Variants in ZNF48 observed in about 807,000 individuals in gnomAD.
ZNF48 encodes the protein zinc finger protein 553.
In ZNF48, 20 loss-of-function variants were observed where a neutral mutation model predicts 40.0. The ratio of observed to expected loss-of-function variants is 0.50; its 90% CI spans 0.35 to 0.73. ZNF48 has a LOEUF of 0.73. ZNF48 is among the 30% of genes least tolerant of loss of function. The pLI is 0.01. For missense variants in ZNF48, 726 were observed against 851.9 expected, an observed-to-expected ratio of 0.85 and a Z score of 1.84; for synonymous variants, 298 against 329.7, an observed-to-expected ratio of 0.90 and a Z score of 1.04.
At position 30,398,841 on chromosome 16, in the gene ZNF48, C is replaced by T. The variant is rs757163512; in HGVS notation, c.1591C>T (p.Arg531Ter). 14 of 1,613,874 alleles carry T rather than the reference C, an allele frequency of 8.7e-6. No individual in the cohort carries two copies. The highest frequency in any genetic ancestry group is 1.1e-5 in the Non-Finnish European group (13 of 1,179,996). The change falls in exon 3 of 3, where the codon CGA becomes TGA. Residue 531 changes from arginine (R) to a stop codon, truncating the protein, a stop_gained. Transcript: ENST00000613509. LOFTEE classifies it high-confidence loss of function. This position sits in a 1 kb window ranked among gnomAD's most constrained non-coding sequence, Gnocchi z 6.6. ...PGPVPMAPRP[R>*]VRAQPSGPSQ... ...CCCAGTACCCATGGCCCCTCGACCC[C>T]GAGTTCGGGCCCAGCCTTCTGGACC...
upstream of ZNF48, among the ~76,000 whole-genome samples, chr16:30,391,829 CTTTT>C (rs1433544623): frequency 1.3e-5 from 1 of 79,484 alleles, no homozygotes; most frequent in Non-Finnish European, 2.4e-5. Context: ...TTTCTTTCTC[CTTTT>C]TTTTTGGCGG....
At chr16:30,390,938 A>ACC (rs1567430825), upstream of ZNF48, among the ~76,000 whole-genome samples, 35 of 149,210 alleles carry the variant, frequency 2.3e-4, 1 homozygote, top group East Asian at 2.6e-3. Context: ...ACAGGGTTTC[A>ACC]ATGTGTTAGC....
chr16:30,390,728 A>C (rs772708781), upstream of ZNF48, among the ~76,000 whole-genome samples: 12 of 136,894 alleles, frequency 8.8e-5, no homozygotes, highest in South Asian at 4.6e-4. Context: ...TCATGCCATT[A>C]TCCTGCCTCA....
At position 30,381,942 on chromosome 16, in the gene ZNF48, T is replaced by C. The variant is rs1218347186; in HGVS notation, c.-16+3532T>C. The C allele has an allele frequency of 1.2e-6, 2 of 1,609,596 alleles. No homozygotes were observed. The highest frequency in any genetic ancestry group is 1.7e-6 in the Non-Finnish European group (2 of 1,177,850). ...AGGCTCTGAGGCAGAATTAATTTCCTTTGTCAATATCACAGTTGCCTGCAC... is the reference window on the plus strand; with the variant it reads ...AGGCTCTGAGGCAGAATTAATTTCCCTTGTCAATATCACAGTTGCCTGCAC... On this transcript the variant is annotated intron_variant, in intron 1 of 2. Coordinates refer to the ZNF48 transcript ENST00000528032. The surrounding 1 kb of genome is among the most constrained non-coding windows in gnomAD (Gnocchi z 4.3).
Position 30,381,105 on chromosome 16 carries a change from G to T in ZNF48, c.-16+2695G>T. On this transcript the variant is annotated intron_variant, in intron 1 of 2. Transcript: ENST00000528032. This position sits in a 1 kb window ranked among gnomAD's most constrained non-coding sequence, Gnocchi z 4.3. ...AGGTTTGGCTTCACATGGGGTCAAA[G>T]GTCAGAGGTCATCACTCACACCTTC... is the stretch of plus-strand genomic sequence containing the variant. The T allele has an allele frequency of 6.3e-7, 1 of 1,580,688 alleles. No individual in the cohort carries two copies. Among genetic ancestry groups the T allele is most frequent in the Non-Finnish European group, 8.7e-7 (1 of 1,149,512 alleles).
intron 1 of ZNF48, chr16:30,379,666 T>TTTTTTTTTTG (rs2049814819): frequency 3.2e-6 from 2 of 615,998 alleles, no homozygotes; most frequent in East Asian, 2.9e-5. Flanking sequence ...TTTTTTTTTT[T>TTTTTTTTTTG]GAGACAGGGT....
chr16:30,391,108 G>A (rs541895217), upstream of ZNF48, among the ~76,000 whole-genome samples: 1 of 152,112 alleles, frequency 6.6e-6, no homozygotes, highest in Non-Finnish European at 1.5e-5. Context: ...ACATTAAAAC[G>A]GAACTATTCT....
upstream of ZNF48, among the ~76,000 whole-genome samples, chr16:30,393,201 C>T (rs5013201): frequency 0.041 from 6,151 of 149,988 alleles, 431 homozygotes; most frequent in South Asian, 0.37. Flanking sequence ...CTCAGCCTCC[C>T]AAGTAGCTGG....
rs1312343107 is a variant in ZNF48, at chr16:30,397,850, C to G, written c.600C>G (p.Ser200Arg). The part of the protein sequence containing the change: ...RPTICGECGK[S>R]FRQSSDLVKH... ...CTATCTGTGGTGAATGTGGCAAGAG[C>G]TTCCGGCAGAGTTCTGACCTGGTGA... The change falls in exon 3 of 3, where the codon AGC (serine) becomes AGG (arginine). Residue 200 changes from serine (S) to arginine (R), a missense_variant. Transcript: ENST00000613509. This position sits in a 1 kb window ranked among gnomAD's most constrained non-coding sequence, Gnocchi z 4.1. 6.2e-7 allele frequency: 1 copy of G among 1,614,056 alleles called. No homozygotes were observed. Among genetic ancestry groups the G allele is most frequent in the Non-Finnish European group, 8.5e-7 (1 of 1,180,004 alleles).
intron 1 of ZNF48, chr16:30,379,258 C>T: frequency 6.4e-7 from 1 of 1,569,580 alleles, no homozygotes; most frequent in East Asian, 2.2e-5. Flanking sequence ...GTCGGGTCTA[C>T]AGGAAAGTCC....
intron 1 of ZNF48, among the ~76,000 whole-genome samples, chr16:30,386,813 T>G (rs1274252946): frequency 2.0e-5 from 3 of 150,258 alleles, no homozygotes; most frequent in Non-Finnish European, 4.4e-5. Context: ...TACAGGCATG[T>G]GCCACCACGC....
At chr16:30,391,841 C>T (rs1201382003), upstream of ZNF48, among the ~76,000 whole-genome samples, 1 of 20,726 alleles carries the variant, frequency 4.8e-5, no homozygotes, top group African/African-American at 1.9e-4. Flanking sequence ...TTTTTTTTGG[C>T]GGGGGGGTGG....
Position 30,399,196 on chromosome 16 carries a change from G to A in ZNF48, c.*89G>A. On this transcript the variant is annotated 3_prime_UTR_variant, in exon 3 of 3. Transcript: ENST00000613509. ...AGAAAGGGCCTGGGAGGTGGTGGGA[G>A]GGAGAAGGAAGGGAAGAAAGGGGAG... is the stretch of plus-strand genomic sequence containing the variant. 4 of 1,287,652 alleles carry A rather than the reference G, an allele frequency of 3.1e-6. No individual in the cohort carries two copies. Among genetic ancestry groups the A allele is most frequent in the Non-Finnish European group, 4.2e-6 (4 of 949,002 alleles). 79.8% of individuals were successfully genotyped at this position (1,287,652 alleles called of 1,614,324 possible).
intron 1 of ZNF48, chr16:30,379,435 C>T (rs1389387734): frequency 6.2e-7 from 1 of 1,613,084 alleles, no homozygotes; most frequent in Non-Finnish European, 8.5e-7. Flanking sequence ...CCTCACTCAC[C>T]CTCCACGGTC....
At chr16:30,394,338 C>A (rs2049963397), upstream of ZNF48, among the ~76,000 whole-genome samples, 1 of 152,162 alleles carries the variant, frequency 6.6e-6, no homozygotes, top group Non-Finnish European at 1.5e-5. Flanking sequence ...ACCACAGTTA[C>A]CCCCACCATC....
At chr16:30,392,286 G>T (rs1231028362), upstream of ZNF48, among the ~76,000 whole-genome samples, 1 of 152,120 alleles carries the variant, frequency 6.6e-6, no homozygotes, top group Non-Finnish European at 1.5e-5. Flanking sequence ...GCATCCCAAA[G>T]TGCTGGGATT....
In ZNF48 at chr16:30,398,720, C is replaced by T. The variant is rs546830754; in HGVS notation, c.1470C>T (p.Asp490=). ...CTGAATGCGGCAAGGGTTTTGCTGA[C>T]AGCTCAGCCCGAGTCAAGCACCTCC... ...LCPECGKGFA[D]SSARVKHLRT... The change falls in exon 3 of 3, where the codon GAC becomes GAT. Residue 490 remains aspartate, a synonymous_variant. Coordinates refer to ENST00000613509, the MANE Select transcript of ZNF48 (RefSeq NM_001214909.2). This position sits in a 1 kb window ranked among gnomAD's most constrained non-coding sequence, Gnocchi z 6.6. 6 of 1,613,926 alleles carry T rather than the reference C, an allele frequency of 3.7e-6. No homozygotes were observed. The South Asian group carries it at 6.6e-5, about 18-fold the overall frequency.
At chr16:30,386,892 G>A (rs188989527) in intron 1 of ZNF48, among the ~76,000 whole-genome samples, 21 of 151,178 alleles carry the variant, frequency 1.4e-4, no homozygotes, top group Admixed American at 1.2e-3. Context: ...TTGAACTTCC[G>A]GCATCCCAAA....
At chr16:30,379,011 G>C in intron 1 of ZNF48, 2 of 1,612,328 alleles carry the variant, frequency 1.2e-6, no homozygotes, top group Non-Finnish European at 1.7e-6. Context: ...TCCGCCCCGG[G>C]TCTCACCTGC....
Sources: gnomAD v4.1 joint callset for allele counts (sites outside exome capture counted in the v4.1 genomes callset) on GRCh38, gnomAD v4.1.1 for gene constraint, Gnocchi (gnomAD v3.1) non-coding constraint, MANE v1.5 for transcripts, NCBI Gene and HGNC (gene_info 2026-07-23, HGNC 2026-07-21) for gene names.